Variants in IMPA2 observed in about 807,000 individuals in gnomAD.
The protein encoded by IMPA2 is inositol monophosphatase 2.
IMPA2 carries 32 observed loss-of-function variants against 35.1 expected under a neutral mutation model. The ratio of observed to expected loss-of-function variants is 0.91; its 90% confidence interval spans 0.69 to 1.23. The LOEUF is 1.23. IMPA2 is among the 50% of genes most tolerant of loss of function. IMPA2 has a pLI of 0.00. For missense variants in IMPA2, 334 were observed against 387.6 expected (o/e 0.86, Z 1.16); for synonymous variants, 135 against 160.6 (o/e 0.84, Z 1.20).
rs187993882 is a variant in IMPA2, at chr18:12,019,986, C to T, written c.490+5613C>T. ...CACCTTCCAGGTTTAAGCAATTCTC[C>T]TGCCTCAGTCTCCTGAGTAGCTAGG... is the stretch of plus-strand genomic sequence containing the variant. On this transcript the variant is annotated intron_variant, in intron 5 of 7. Coordinates refer to ENST00000269159, the MANE Select transcript of IMPA2 (RefSeq NM_014214.3). 2.0e-4 allele frequency among the ~76,000 whole-genome samples: 30 copies of T among 152,302 alleles called. No homozygotes were observed. In the East Asian group the frequency reaches 5.8e-3, roughly 29 times the overall value.
At chr18:12,025,801 A>C (rs948902538) in intron 5 of IMPA2, among the ~76,000 whole-genome samples, 3 of 152,084 alleles carry the variant, frequency 2.0e-5, no homozygotes, top group African/African-American at 7.2e-5. Context: ...GCTGGTCTCA[A>C]ACTCCTGATC....
intron 5 of IMPA2, among the ~76,000 whole-genome samples, chr18:12,015,018 T>G (rs1907539634): frequency 6.6e-6 from 1 of 152,182 alleles, no homozygotes; most frequent in South Asian, 2.1e-4. Flanking sequence ...TTCTCCCACA[T>G]GGATGAATCT....
chr18:12,027,706 G>A (rs1242941278), intron 5 of IMPA2, among the ~76,000 whole-genome samples: 1 of 151,148 alleles, frequency 6.6e-6, no homozygotes, highest in East Asian at 2.0e-4. Context: ...CTCCTGAGTA[G>A]CTGCAACTAC....
chr18:12,022,030 G>A (rs1238483246), intron 5 of IMPA2, among the ~76,000 whole-genome samples: 2 of 152,016 alleles, frequency 1.3e-5, no homozygotes, highest in African/African-American at 4.8e-5. Flanking sequence ...TATTTTTATT[G>A]TAGTAAAATG....
chr18:11,995,680 G>C (rs895969505), intron 1 of IMPA2, among the ~76,000 whole-genome samples: 6 of 152,304 alleles, frequency 3.9e-5, no homozygotes. Context: ...GGGTCTGAGT[G>C]CAGGAAGCAG....
At chr18:11,993,076 ACTGAT>A (rs1906861839) in intron 1 of IMPA2, among the ~76,000 whole-genome samples, 4 of 50,142 alleles carry the variant, frequency 8.0e-5, no homozygotes, top group Admixed American at 1.7e-4. Context: ...TGTTCTCACA[ACTGAT>A]ACTGGTGAGG....
chr18:11,994,917 CAT>C (rs1226039694), intron 1 of IMPA2: 2 of 152,628 alleles, frequency 1.3e-5, no homozygotes, highest in African/African-American at 4.8e-5. Flanking sequence ...GGAGGCTCCT[CAT>C]GTGGAAGGTG....
intron 5 of IMPA2, among the ~76,000 whole-genome samples, chr18:12,022,610 G>A (rs185789372): frequency 1.1e-4 from 16 of 147,948 alleles, no homozygotes; most frequent in African/African-American, 3.4e-4. Flanking sequence ...AGGACAAAGG[G>A]TAATAAAATA....
intron 1 of IMPA2, among the ~76,000 whole-genome samples, chr18:11,983,336 G>A (rs1382794267): frequency 6.6e-6 from 1 of 152,140 alleles, no homozygotes. Context: ...GCAAGCATCA[G>A]CCAGATATTT....
At chr18:12,026,104 G>A (rs145806289) in intron 5 of IMPA2, among the ~76,000 whole-genome samples, 1,907 of 145,990 alleles carry the variant, frequency 0.013, 42 homozygotes, top group African/African-American at 0.045. Flanking sequence ...GTGTGATCTT[G>A]GCTCACTGCA....
chr18:11,996,097 G>A (rs568261923), intron 1 of IMPA2, among the ~76,000 whole-genome samples: 26 of 152,302 alleles, frequency 1.7e-4, no homozygotes, highest in Non-Finnish European at 3.7e-4. Flanking sequence ...AAACAAAACC[G>A]ACAGGAAGGA....
In IMPA2 at chr18:12,030,563, C is replaced by A; in HGVS notation, c.*105C>A. ...CTCCATGCCAGTGGCTCACGCTCTG[C>A]TCCTGGCTACCCCAGAGGGAGTTGT... On this transcript the variant is annotated 3_prime_UTR_variant, in exon 8 of 8. Coordinates refer to ENST00000269159, the MANE Select transcript of IMPA2 (RefSeq NM_014214.3). 1.3e-6 allele frequency: 1 copy of A among 798,026 alleles called. No individual in the cohort carries two copies. The allele number at this position is 798,026 out of a possible 1,614,324, so 49.4% of individuals were successfully genotyped here.
At chr18:11,997,970 T>C (rs1403326832) in intron 1 of IMPA2, among the ~76,000 whole-genome samples, 3 of 152,082 alleles carry the variant, frequency 2.0e-5, no homozygotes, top group Non-Finnish European at 4.4e-5. Context: ...GAGTTTGAGA[T>C]CTGCCTGGCT....
At chr18:11,997,797 G>A (rs1907002541) in intron 1 of IMPA2, among the ~76,000 whole-genome samples, 1 of 152,252 alleles carries the variant, frequency 6.6e-6, no homozygotes, top group Admixed American at 6.5e-5. Context: ...AGTTTAGGAA[G>A]AAGGCTCTGA....
At chr18:11,985,982 G>T (rs900215904) in intron 1 of IMPA2, among the ~76,000 whole-genome samples, 1 of 152,246 alleles carries the variant, frequency 6.6e-6, no homozygotes, top group East Asian at 1.9e-4. Context: ...AAAGGGGTTT[G>T]TGTACGGCTT....
intron 5 of IMPA2, among the ~76,000 whole-genome samples, chr18:12,014,661 G>A (rs767161483): frequency 4.2e-4 from 64 of 152,092 alleles, no homozygotes; most frequent in Admixed American, 1.4e-3. Context: ...GTTGTAGTGG[G>A]ATTGGGTGAG....
intron 5 of IMPA2, among the ~76,000 whole-genome samples, chr18:12,023,677 C>G (rs892920760): frequency 6.6e-6 from 1 of 152,266 alleles, no homozygotes; most frequent in South Asian, 2.1e-4. Context: ...TGCTCAGCTT[C>G]CTAGTTCCTG....
chr18:12,028,361 T>C (rs1907941715), intron 6 of IMPA2: 2 of 558,812 alleles, frequency 3.6e-6, no homozygotes, highest in East Asian at 5.7e-5. Flanking sequence ...TGGGCACCTG[T>C]GTTGCTTCTG....
chr18:11,982,740 C>T (rs927826125), intron 1 of IMPA2, among the ~76,000 whole-genome samples: 25 of 150,668 alleles, frequency 1.7e-4, no homozygotes, highest in African/African-American at 6.1e-4. Context: ...TTGCAGTGAG[C>T]TGAGATCGCG....
Sources: gnomAD v4.1 joint callset for allele counts (sites outside exome capture counted in the v4.1 genomes callset) on GRCh38, gnomAD v4.1.1 for gene constraint, MANE v1.5 for transcripts, NCBI Gene and HGNC (gene_info 2026-07-23, HGNC 2026-07-21) for gene names.